Variants in EXOC3 observed in about 807,000 individuals in gnomAD.
EXOC3 encodes the protein exocyst complex component 3.
A neutral mutation model predicts 73.7 loss-of-function variants in EXOC3; 21 were observed. That is an observed-to-expected ratio of 0.29 (90% CI 0.20 to 0.41). EXOC3 has a LOEUF of 0.41. Among genes scored for constraint, EXOC3 ranks in the 10% least tolerant of loss-of-function variants. The probability of loss-of-function intolerance (pLI) is 1.00; values close to 1 mark genes in which losing one functional copy is unlikely to be tolerated. For synonymous variants in EXOC3, 410 were observed against 389.1 expected (o/e 1.05, Z -0.63); for missense variants, 842 against 985.1 (o/e 0.85, Z 1.95).
At position 465,181 on chromosome 5, in the gene EXOC3, C is replaced by A; in HGVS notation, c.1847C>A (p.Ser616Tyr). ...CGGGCGGTCATGCAGAAGCGCATTTCCTTCCGGAGCCCGGAGGAGCGCAAG... is the reference window on the plus strand; with the variant it reads ...CGGGCGGTCATGCAGAAGCGCATTTACTTCCGGAGCCCGGAGGAGCGCAAG... ...YLRAVMQKRI[S>Y]FRSPEERKEG... Residue 616 changes from serine to tyrosine, a missense_variant, in exon 11 of 13, where the codon TCC (serine) becomes TAC (tyrosine). Coordinates refer to ENST00000512944, the MANE Select transcript of EXOC3 (RefSeq NM_007277.5). The A allele has an allele frequency of 6.3e-7, 1 of 1,596,334 alleles. No individual in the cohort carries two copies. The highest frequency in any genetic ancestry group is 8.5e-7 in the Non-Finnish European group (1 of 1,171,986).
chr5:464,796 G>GT, intron 10 of EXOC3: 1 of 464,944 alleles, frequency 2.2e-6, no homozygotes. Context: ...TGCTGCGGTC[G>GT]TTATCAAAGG....
chr5:445,889 C>A (rs1229372732), intron 1 of EXOC3, among the ~76,000 whole-genome samples: 1 of 152,162 alleles, frequency 6.6e-6, no homozygotes, highest in Non-Finnish European at 1.5e-5. Context: ...GTCTGGGACC[C>A]ACATCTAGAA....
intron 1 of EXOC3, among the ~76,000 whole-genome samples, chr5:444,078 C>T (rs56975958): frequency 3.7e-4 from 57 of 152,278 alleles, no homozygotes; most frequent in African/African-American, 9.9e-4. Context: ...AGGTGTCTCC[C>T]TGGCGCAGGT....
At chr5:461,474 A>G (rs1255824648) in intron 7 of EXOC3, among the ~76,000 whole-genome samples, 1 of 152,152 alleles carries the variant, frequency 6.6e-6, no homozygotes, top group South Asian at 2.1e-4. Flanking sequence ...TTAGCTGGGC[A>G]TGGTGGGGCA....
Position 462,082 on chromosome 5 carries a change from C to T in EXOC3, c.1502+12C>T, listed in dbSNP as rs759003166. On this transcript the variant is annotated intron_variant, in intron 8 of 12. Transcript: ENST00000512944. Reference sequence around the variant, plus strand: ...TGCCAGACCTTCAAGTGAGTGTGGCCGGGCGCTGTGGCGGGGGAGCGGTGG... The same window carrying T: ...TGCCAGACCTTCAAGTGAGTGTGGCTGGGCGCTGTGGCGGGGGAGCGGTGG... The T allele has an allele frequency of 1.5e-5, 24 of 1,609,814 alleles. No individual in the cohort carries two copies. Among genetic ancestry groups the T allele is most frequent in the African/African-American group, 2.7e-5 (2 of 74,874 alleles).
chr5:466,320 G>C (rs1412384703), intron 12 of EXOC3: 1 of 250,330 alleles, frequency 4.0e-6, no homozygotes, highest in Non-Finnish European at 7.7e-6. Flanking sequence ...CACCATGCTG[G>C]CTCCAGGCCC....
chr5:451,813 A>G (rs993169815), intron 3 of EXOC3, among the ~76,000 whole-genome samples: 3 of 152,154 alleles, frequency 2.0e-5, no homozygotes, highest in African/African-American at 7.2e-5. Flanking sequence ...TTGAATGACC[A>G]TTTTGCTAGA....
chr5:464,443 C>T lies in EXOC3; in HGVS notation c.1776+31C>T, dbSNP rs150388174. The T allele has an allele frequency of 5.4e-3, 8,656 of 1,609,248 alleles. 28 individuals are homozygous for T. Among genetic ancestry groups the T allele is most frequent in the Middle Eastern group, 9.6e-3 (58 of 6,048 alleles). ...AAGGTGGGACCTAGTTCCCTCATCA[C>T]CTTGACGCTAGGGCTCACCTCTCAC... On this transcript the variant is annotated intron_variant, in intron 10 of 12. Transcript: ENST00000512944.
rs371456245 is a variant in EXOC3, at chr5:462,027, G to A, written c.1459G>A (p.Val487Ile). Residue 487 changes from valine to isoleucine, a missense_variant, in exon 8 of 13, where the codon GTT becomes ATT. Coordinates refer to ENST00000512944, the MANE Select transcript of EXOC3 (RefSeq NM_007277.5). ...GAATCGGCAGCACCCTCACTGCTAC[G>A]TTCAGTACATGATCGCCATCATCAA... ...LRNRQHPHCY[V>I]QYMIAIINNC... 17 of 1,608,904 alleles carry A rather than the reference G, an allele frequency of 1.1e-5. No homozygotes were observed. Among genetic ancestry groups the A allele is most frequent in the African/African-American group, 5.3e-5 (4 of 74,848 alleles).
chr5:456,260 G>A (rs535268178), intron 4 of EXOC3, among the ~76,000 whole-genome samples: 1 of 152,324 alleles, frequency 6.6e-6, no homozygotes, highest in East Asian at 1.9e-4. Flanking sequence ...TTACTTATAA[G>A]ACTAAATACA....
chr5:464,937 C>T, intron 10 of EXOC3, 174 bp from the exon 11 acceptor site: 1 of 681,330 alleles, frequency 1.5e-6, no homozygotes, highest in Non-Finnish European at 2.4e-6. Flanking sequence ...TCACTGTTCC[C>T]CCACTGAGCC....
chr5:452,443 CAT>C (rs374731740), intron 3 of EXOC3, among the ~76,000 whole-genome samples: 2 of 126,406 alleles, frequency 1.6e-5, no homozygotes, highest in African/African-American at 6.2e-5. Flanking sequence ...TCTTTCTTCA[CAT>C]CTTTAAGTTC....
At chr5:448,758 C>T (rs1216976423) in intron 3 of EXOC3, among the ~76,000 whole-genome samples, 1 of 152,236 alleles carries the variant, frequency 6.6e-6, no homozygotes, top group Non-Finnish European at 1.5e-5. Flanking sequence ...TCTCTGCCCT[C>T]CTCTCGTGCT....
intron 9 of EXOC3, among the ~76,000 whole-genome samples, chr5:464,036 G>A (rs972600914): frequency 6.6e-6 from 1 of 152,270 alleles, no homozygotes; most frequent in Admixed American, 6.5e-5. Context: ...AAAGCAGTGT[G>A]ACGTAGCAAA....
chr5:456,645 C>G (rs752840613), intron 4 of EXOC3, among the ~76,000 whole-genome samples: 2 of 152,198 alleles, frequency 1.3e-5, no homozygotes, highest in Admixed American at 6.5e-5. Context: ...CCCTCGGCCC[C>G]TGCCCTGCAC....
chr5:457,519 T>C, intron 5 of EXOC3: 1 of 230,538 alleles, frequency 4.3e-6, no homozygotes, highest in South Asian at 6.6e-5. Context: ...CTGTCTTCTC[T>C]TGGGACGTGA....
chr5:457,700 C>A, intron 5 of EXOC3, 200 bp from the exon 6 acceptor site: 1 of 554,698 alleles, frequency 1.8e-6, no homozygotes, highest in Non-Finnish European at 3.2e-6. Flanking sequence ...CAGTTAAACC[C>A]CTGCGGGCTG....
intron 10 of EXOC3, chr5:464,636 A>C: frequency 2.0e-6 from 1 of 500,554 alleles, no homozygotes. Flanking sequence ...GGAGGGAGCC[A>C]TGGTTCCCGG....
At chr5:459,234 T>C (rs1737911089) in intron 6 of EXOC3, 125 bp from the exon 7 acceptor site, 1 of 410,812 alleles carries the variant, frequency 2.4e-6, no homozygotes, top group African/African-American at 2.1e-5. Flanking sequence ...TCATTTTTTT[T>C]TTCTCTGAAT....
Sources: gnomAD v4.1 joint callset for allele counts (sites outside exome capture counted in the v4.1 genomes callset) on GRCh38, gnomAD v4.1.1 for gene constraint, MANE v1.5 for transcripts, NCBI Gene and HGNC (gene_info 2026-07-23, HGNC 2026-07-21) for gene names.